Variants in ATP13A4 observed in about 807,000 individuals in gnomAD.
ATP13A4 encodes the protein ATPase 13A4.
A neutral mutation model predicts 142.5 loss-of-function variants in ATP13A4; 114 were observed. That is an observed-to-expected ratio of 0.80 (90% CI 0.69 to 0.93). The LOEUF is 0.93. Among genes scored for constraint, ATP13A4 ranks in the 40% least tolerant of loss-of-function variants. ATP13A4 has a pLI of 0.00. For missense variants in ATP13A4, 1,392 were observed against 1,454.0 expected (o/e 0.96, Z 0.69); for synonymous variants, 488 against 514.8 (o/e 0.95, Z 0.70).
At chr3:193,461,783 T>C (rs1717958798) in intron 13 of ATP13A4, among the ~76,000 whole-genome samples, 1 of 152,186 alleles carries the variant, frequency 6.6e-6, no homozygotes, top group Non-Finnish European at 1.5e-5. Context: ...TTTCATGTTC[T>C]GATTCCACGG....
chr3:193,439,805 G>T (rs1044697337), intron 21 of ATP13A4, among the ~76,000 whole-genome samples: 2 of 152,162 alleles, frequency 1.3e-5, no homozygotes, highest in African/African-American at 4.8e-5. Context: ...GGAACTCGTT[G>T]ACTCTCTAGG....
upstream of ATP13A4, among the ~76,000 whole-genome samples, chr3:193,559,887 T>A (rs1202994027): frequency 6.6e-6 from 1 of 152,204 alleles, no homozygotes; most frequent in Admixed American, 6.5e-5. Context: ...GTTATAACAA[T>A]TCCAGGTCAT....
intron 25 of ATP13A4, among the ~76,000 whole-genome samples, chr3:193,425,811 G>A (rs1015501232): frequency 6.6e-6 from 1 of 151,688 alleles, no homozygotes; most frequent in African/African-American, 2.4e-5. Flanking sequence ...TGCATAGTAG[G>A]ATGATTATCA....
intron 25 of ATP13A4, among the ~76,000 whole-genome samples, chr3:193,415,137 T>C (rs1714987522): frequency 6.6e-6 from 1 of 152,230 alleles, no homozygotes; most frequent in Admixed American, 6.5e-5. Context: ...ATTCTACTTT[T>C]GGAAATTTAT....
Position 193,583,308 on chromosome 3 carries a change from C to G in ATP13A4, n.92-1402G>C, listed in dbSNP as rs141383689. ...ATTAGCTGGGATTGGTGGCGGGCGC[C>G]TGTAATCCCAGGTACTCAGCAGGCT... On this transcript the variant is annotated intron_variant and non_coding_transcript_variant, in intron 1 of 3. Transcript: ENST00000489140. 2.7e-3 allele frequency among the ~76,000 whole-genome samples: 410 copies of G among 152,132 alleles called. 4 individuals carry two copies. Among genetic ancestry groups the G allele is most frequent in the African/African-American group, 9.3e-3 (387 of 41,506 alleles).
chr3:193,412,855 C>T (rs749917950), intron 26 of ATP13A4, among the ~76,000 whole-genome samples: 10 of 152,128 alleles, frequency 6.6e-5, no homozygotes, highest in Non-Finnish European at 1.3e-4. Context: ...AACACCATCT[C>T]TACTAAAAAT....
At position 193,448,333 on chromosome 3, in the gene ATP13A4, G is replaced by C; in HGVS notation, c.2028-3C>G. ...TCAGGTCTGATTCTACCGTCTCCCT[G>C]AAAATACATATATAGATGTATTGAA... On this transcript the variant is annotated splice_region_variant and splice_polypyrimidine_tract_variant and intron_variant, in intron 17 of 29. Coordinates refer to ENST00000342695, the MANE Select transcript of ATP13A4 (RefSeq NM_032279.4). 6.2e-7 allele frequency: 1 copy of C among 1,613,660 alleles called. No homozygotes were observed. Among genetic ancestry groups the C allele is most frequent in the Non-Finnish European group, 8.5e-7 (1 of 1,179,942 alleles).
chr3:193,486,259 G>C (rs563324989), intron 7 of ATP13A4, among the ~76,000 whole-genome samples: 1 of 152,192 alleles, frequency 6.6e-6, no homozygotes, highest in Admixed American at 6.5e-5. Context: ...TCTGCGATGA[G>C]ATTTAGAAGT....
At chr3:193,493,859 A>C (rs191848507) in intron 3 of ATP13A4, among the ~76,000 whole-genome samples, 2 of 152,226 alleles carry the variant, frequency 1.3e-5, no homozygotes, top group Admixed American at 1.3e-4. Context: ...TTTCCTTTCT[A>C]ACATAAAAAG....
At chr3:193,463,650 CTAA>C (rs1406773584) in intron 12 of ATP13A4, among the ~76,000 whole-genome samples, 1 of 151,996 alleles carries the variant, frequency 6.6e-6, no homozygotes, top group Non-Finnish European at 1.5e-5. Flanking sequence ...ACAGTAAAAG[CTAA>C]TAATAATCAT....
chr3:193,469,604 C>A (rs577078518), intron 9 of ATP13A4, among the ~76,000 whole-genome samples: 3 of 152,208 alleles, frequency 2.0e-5, no homozygotes, highest in African/African-American at 7.2e-5. Context: ...CTTCAACCTG[C>A]GTGACAGAGT....
At chr3:193,449,939 G>C (rs1438495444) in intron 17 of ATP13A4, among the ~76,000 whole-genome samples, 1 of 151,982 alleles carries the variant, frequency 6.6e-6, no homozygotes. Flanking sequence ...GACCAACATG[G>C]AGAAATCCCA....
intron 1 of ATP13A4, among the ~76,000 whole-genome samples, chr3:193,524,302 AG>A (rs1193342279): frequency 6.6e-6 from 1 of 152,192 alleles, no homozygotes; most frequent in African/African-American, 2.4e-5. Context: ...TGGCATCTGC[AG>A]GAGGACAGTC....
chr3:193,408,323 A>C (rs1321987822), intron 28 of ATP13A4, among the ~76,000 whole-genome samples: 1 of 152,352 alleles, frequency 6.6e-6, no homozygotes, highest in East Asian at 1.9e-4. Context: ...TGTTTGTAAT[A>C]AAAACTTGGA....
At chr3:193,438,453 G>A in intron 23 of ATP13A4, 22 bp downstream of exon 23, 1 of 1,545,052 alleles carries the variant, frequency 6.5e-7, no homozygotes, top group Non-Finnish European at 9.0e-7. Context: ...AGAAAACAAT[G>A]TTTGAGGAAG....
chr3:193,471,893 G>A (rs1292649756), intron 8 of ATP13A4, among the ~76,000 whole-genome samples: 1 of 152,190 alleles, frequency 6.6e-6, no homozygotes, highest in East Asian at 1.9e-4. Flanking sequence ...GTGGCAGGCT[G>A]CTCTGGGGTA....
intron 25 of ATP13A4, among the ~76,000 whole-genome samples, chr3:193,421,963 T>C (rs1306170037): frequency 6.7e-6 from 1 of 149,836 alleles, no homozygotes; most frequent in Non-Finnish European, 1.5e-5. Flanking sequence ...TGAATGTAAA[T>C]GGAGTATTAA....
intron 2 of ATP13A4, among the ~76,000 whole-genome samples, chr3:193,567,434 G>A (rs182402529): frequency 2.3e-4 from 35 of 152,268 alleles, no homozygotes; most frequent in Admixed American, 7.2e-4. Flanking sequence ...GCATCATGTA[G>A]TTAAGTTCTG....
intron 25 of ATP13A4, 50 bp from the exon 26 acceptor site, chr3:193,414,800 C>A (rs749519308): frequency 5.1e-6 from 8 of 1,573,448 alleles, no homozygotes; most frequent in Non-Finnish European, 7.0e-6. Context: ...AAAATGTATT[C>A]TTGATCAGAA....
Sources: gnomAD v4.1 joint callset for allele counts (sites outside exome capture counted in the v4.1 genomes callset) on GRCh38, gnomAD v4.1.1 for gene constraint, MANE v1.5 for transcripts, NCBI Gene and HGNC (gene_info 2026-07-23, HGNC 2026-07-21) for gene names.